The following ZNF28 variants were observed in gnomAD, a reference collection of about 807,000 sequenced individuals.
The protein encoded by ZNF28 is zinc finger protein 28, also known as zinc finger protein KOX24.
ZNF28 carries 5 observed loss-of-function variants against 7.2 expected under a neutral mutation model. The observed-to-expected ratio is 0.70, with a 90% CI of 0.36 to 1.46. The LOEUF (loss-of-function observed/expected upper bound fraction) is 1.46, where lower values mean the gene tolerates loss of function less well. Among genes scored for constraint, ZNF28 ranks in the 40% most tolerant of loss-of-function variants. The probability of loss-of-function intolerance (pLI) is 0.03; values close to 1 mark genes in which losing one functional copy is unlikely to be tolerated. For synonymous variants in ZNF28, 288 were observed against 292.4 expected (o/e 0.99, Z 0.15); for missense variants, 879 against 866.6 (o/e 1.01, Z -0.18).
chr19:52,809,177 G>T (rs1244133420), intron 2 of ZNF28, among the ~76,000 whole-genome samples: 1 of 152,150 alleles, frequency 6.6e-6, no homozygotes, highest in Non-Finnish European at 1.5e-5. Flanking sequence ...TAAGAAAATG[G>T]AAATGCCCCA....
chr19:52,820,108 C>CT (rs71183842), intron 1 of ZNF28, among the ~76,000 whole-genome samples: 6,290 of 120,282 alleles, frequency 0.052, 706 homozygotes, highest in African/African-American at 0.1. Context: ...TATTTAACCT[C>CT]TTTTTTTTTT....
Position 52,807,754 on chromosome 19 carries a change from C to A in ZNF28, c.142+253G>T, listed in dbSNP as rs60576558. ...CCTCCCAAGGTGCTGGGATAACAGGCGTGAGCCACCACGACCAGGCTGCCA... is the reference window on the plus strand; with the variant it reads ...CCTCCCAAGGTGCTGGGATAACAGGAGTGAGCCACCACGACCAGGCTGCCA... On this transcript the variant is annotated intron_variant, in intron 3 of 3. Coordinates refer to ENST00000457749, the MANE Select transcript of ZNF28 (RefSeq NM_006969.5). The A allele has an allele frequency of 6.9e-3, 4,196 of 604,216 alleles. 146 individuals are homozygous for A. In the African/African-American group the frequency reaches 0.072, roughly 10 times the overall value. The allele number at this position is 604,216 out of a possible 1,614,324, so 37.4% of individuals were successfully genotyped here.
At position 52,817,303 on chromosome 19, in the gene ZNF28, C is replaced by T. The variant is rs377043733; in HGVS notation, c.15+641G>A. On this transcript the variant is annotated intron_variant, in intron 2 of 3. Transcript: ENST00000457749. ...AGGAGAATCTCTTGAACCCAGGAGG[C>T]GGAGGTTGCGGTGAGCTGAGATCAC... 6.4e-4 allele frequency among the ~76,000 whole-genome samples: 97 copies of T among 152,084 alleles called. 2 individuals are homozygous for T. The South Asian group carries it at 0.02, about 31-fold the overall frequency.
Position 52,801,660 on chromosome 19 carries a change from C to A in ZNF28, c.185G>T (p.Gly62Val), listed in dbSNP as rs767672484. The change falls in exon 4 of 4, where the codon GGG becomes GTG. Residue 62 changes from glycine (G) to valine (V), a missense_variant. Gly to Val is a moderately radical substitution (Grantham distance 109). Coordinates refer to ENST00000457749, the MANE Select transcript of ZNF28 (RefSeq NM_006969.5). ...GTGGAACGCTTCTGTATTGCCTTGC[C>A]CTGTTGAGAAGAATGTCTTCATCAT... ...KCMMKTFFST[G>V]QGNTEAFHTG... 1 of 1,612,364 alleles carries A rather than the reference C, an allele frequency of 6.2e-7. No homozygotes were observed. The highest frequency in any genetic ancestry group is 1.7e-5 in the Admixed American group (1 of 59,614).
intron 1 of ZNF28, among the ~76,000 whole-genome samples, chr19:52,820,860 ATTC>A (rs1305393080): frequency 1.3e-5 from 2 of 151,836 alleles, no homozygotes; most frequent in Non-Finnish European, 2.9e-5. Context: ...GGTCTTTCTC[ATTC>A]TTCTTTTCTC....
At chr19:52,801,829 G>C in intron 3 of ZNF28, 127 bp from the exon 4 acceptor site, 1 of 874,542 alleles carries the variant, frequency 1.1e-6, no homozygotes, top group Non-Finnish European at 1.7e-6. Context: ...CAAAGTTTAA[G>C]AACACAAAAG....
Position 52,818,158 on chromosome 19 carries a change from G to C in ZNF28, c.-73-127C>G. On this transcript the variant is annotated intron_variant, in intron 1 of 3. Transcript: ENST00000457749. ...TCCCCTATGCTGCCTACCGCACCAC[G>C]AACAAAAAATTCCTACAGGAAAACT... The C allele has an allele frequency of 7.8e-6, 8 of 1,020,416 alleles. No homozygotes were observed. The South Asian group carries it at 1.3e-4, about 16-fold the overall frequency. 63.2% of individuals were successfully genotyped at this position (1,020,416 alleles called of 1,614,324 possible).
At chr19:52,811,256 C>T (rs541074835) in intron 2 of ZNF28, among the ~76,000 whole-genome samples, 2,834 of 151,706 alleles carry the variant, frequency 0.019, 94 homozygotes, top group African/African-American at 0.065. Flanking sequence ...CTCCACCTCC[C>T]AGCCGCCTGC....
chr19:52,810,575 C>A (rs73067555), intron 2 of ZNF28: 27,362 of 1,572,810 alleles, frequency 0.017, 520 homozygotes, highest in African/African-American at 0.062. Context: ...GGGTCTTCCA[C>A]GAGCCCGCTA....
rs569827370 is a variant in ZNF28 at position 52,800,312 on chromosome 19, T to C, written c.1533A>G (p.Thr511=). ...CTCCAGTATGAACTCTCTGATGTTC[T>C]GTAAGGCATGAATCACTCCGGAAAG... is the stretch of plus-strand genomic sequence containing the variant. ...DKAFRSDSCL[T]EHQRVHTGEK... The change falls in exon 4 of 4, where the codon ACA becomes ACG. Residue 511 remains threonine (T), a synonymous_variant. Coordinates refer to ENST00000457749, the MANE Select transcript of ZNF28 (RefSeq NM_006969.5). The C allele has an allele frequency of 5.0e-6, 8 of 1,613,948 alleles. No individual in the cohort carries two copies. The Admixed American group carries it at 6.7e-5, about 13-fold the overall frequency.
intron 1 of ZNF28, among the ~76,000 whole-genome samples, chr19:52,820,184 C>A (rs1246527692): frequency 9.3e-6 from 1 of 107,312 alleles, no homozygotes; most frequent in East Asian, 2.5e-4. Flanking sequence ...GTGGCGCAAT[C>A]TCGGCTCACT....
chr19:52,801,867 C>T (rs1390860061), intron 3 of ZNF28, among the ~76,000 whole-genome samples, 165 bp from the exon 4 acceptor site: 3 of 152,006 alleles, frequency 2.0e-5, no homozygotes, highest in South Asian at 2.1e-4. Flanking sequence ...AAATAAAGGG[C>T]GATTATATGT....
chr19:52,800,727 T>C lies in ZNF28; in HGVS notation c.1118A>G (p.His373Arg), dbSNP rs376086742. Residue 373 changes from histidine (H) to arginine (R), a missense_variant, in exon 4 of 4, where the codon CAT (histidine) becomes CGT (arginine). Coordinates refer to ENST00000457749, the MANE Select transcript of ZNF28 (RefSeq NM_006969.5). ...TTTCTCTCCAGTATGAAGCCTACGA[T>C]GGCGTGCAAGGGTTGACAGTCGATT... ...VFNRLSTLAR[H>R]RRLHTGEKPY... is the part of the protein sequence containing the mutation. The C allele has an allele frequency of 6.8e-6, 11 of 1,613,928 alleles. No individual in the cohort carries two copies. Among genetic ancestry groups the C allele is most frequent in the African/African-American group, 2.7e-5 (2 of 74,862 alleles).
At chr19:52,807,373 T>C (rs2062950153) in intron 3 of ZNF28, among the ~76,000 whole-genome samples, 1 of 152,206 alleles carries the variant, frequency 6.6e-6, no homozygotes, top group Non-Finnish European at 1.5e-5. Context: ...CTGTAATATG[T>C]AGTATGTGGA....
At chr19:52,818,617 G>C (rs940901248) in intron 1 of ZNF28, among the ~76,000 whole-genome samples, 1 of 152,166 alleles carries the variant, frequency 6.6e-6, no homozygotes, top group African/African-American at 2.4e-5. Flanking sequence ...GGCTGAGGTA[G>C]AATTGCTTGA....
chr19:52,808,045 T>A lies in ZNF28; in HGVS notation c.104A>T (p.Asp35Val), dbSNP rs1389769654. 6.2e-7 allele frequency: 1 copy of A among 1,613,466 alleles called. No individual in the cohort carries two copies. The highest frequency in any genetic ancestry group is 2.2e-5 in the East Asian group (1 of 44,866). Residue 35 changes from aspartate to valine, a missense_variant, in exon 3 of 4, where the codon GAT (aspartate) becomes GTT (valine). Asp to Val is a radical substitution (Grantham distance 152). Around this residue, in one of 2 missense-constraint regions of ZNF28, gnomAD observed 864 missense variants for 830.2 expected, o/e 1.04. Transcript: ENST00000457749. ...LDPAQRTLYRDVMLENYRNLV... is the reference protein window; with the variant it reads ...LDPAQRTLYRVVMLENYRNLV... Reference sequence around the variant, plus strand: ...GTTCCTATAATTCTCCAGCATCACATCCCTGTAAAGAGTCCTCTGAGCAGG... The same window carrying A: ...GTTCCTATAATTCTCCAGCATCACAACCCTGTAAAGAGTCCTCTGAGCAGG...
At chr19:52,809,545 C>T (rs186108999) in intron 2 of ZNF28, among the ~76,000 whole-genome samples, 33 of 152,262 alleles carry the variant, frequency 2.2e-4, no homozygotes, top group African/African-American at 7.5e-4. Context: ...CGGTGGCTCA[C>T]GCCTGTAATC....
rs1430612058 is a variant in ZNF28, at chr19:52,797,654, G to A, written c.*2034C>T. 6.5e-6 allele frequency: 1 copy of A among 154,934 alleles called. No homozygotes were observed. The highest frequency in any genetic ancestry group is 2.4e-5 in the African/African-American group (1 of 41,392). The allele number at this position is 154,934 out of a possible 1,614,324, so 9.6% of individuals were successfully genotyped here. A position where few individuals can be genotyped will look rare whatever the true frequency, so the allele number is the denominator to read the frequency against. The stretch of plus-strand genomic sequence containing the variant: ...AATATTTAGGAATAAACATATAAAG[G>A]TGAGAAGTTTGTACCTTGAAATCTA... On this transcript the variant is annotated 3_prime_UTR_variant, in exon 4 of 4. Transcript: ENST00000457749.
chr19:52,802,619 G>T (rs1277965928), intron 3 of ZNF28, among the ~76,000 whole-genome samples: 3 of 152,078 alleles, frequency 2.0e-5, no homozygotes, highest in Non-Finnish European at 2.9e-5. Flanking sequence ...AAAGATTGTG[G>T]TGAGTTGAGA....
Sources: allele counts gnomAD v4.1 joint callset (sites outside exome capture counted in the v4.1 genomes callset), GRCh38; gene constraint gnomAD v4.1.1; regional missense constraint gnomAD v4.1.1; transcripts MANE v1.5; gene names NCBI Gene and HGNC (gene_info 2026-07-23, HGNC 2026-07-21).